The following ATXN1 variants were observed in gnomAD, a reference collection of about 807,000 sequenced individuals.
The protein encoded by ATXN1 is ataxin 1, also known as ataxin-1.
In ATXN1, 8 loss-of-function variants were observed where a neutral mutation model predicts 56.4. The ratio of observed to expected loss-of-function variants is 0.14; its 90% confidence interval spans 0.08 to 0.26. The LOEUF is 0.26. Among genes scored for constraint, ATXN1 ranks in the 10% least tolerant of loss-of-function variants. The pLI is 1.00. For missense variants in ATXN1, 987 were observed against 1,106.5 expected, an observed-to-expected ratio of 0.89 and a Z score of 1.53; for synonymous variants, 514 against 494.6, an observed-to-expected ratio of 1.04 and a Z score of -0.52.
chr6:16,656,549 G>T (rs1555063), intron 3 of ATXN1, among the ~76,000 whole-genome samples: 98,977 of 151,962 alleles, frequency 0.65, 33,859 homozygotes, highest in African/African-American at 0.88. Context: ...CTCTGGAATG[G>T]TTTTATCATT....
chr6:16,717,674 G>A (rs550227256), intron 2 of ATXN1, among the ~76,000 whole-genome samples: 3 of 152,292 alleles, frequency 2.0e-5, no homozygotes, highest in East Asian at 3.9e-4. Flanking sequence ...CTGGCATAAC[G>A]ATCTCGTGGG....
At chr6:16,417,235 A>G (rs1472277586) in intron 6 of ATXN1, among the ~76,000 whole-genome samples, 3 of 152,054 alleles carry the variant, frequency 2.0e-5, no homozygotes, top group Non-Finnish European at 2.9e-5. Flanking sequence ...GGGTCTCACT[A>G]TGTTGCCCAG....
At chr6:16,527,660 G>GA (rs1397110169) in intron 4 of ATXN1, among the ~76,000 whole-genome samples, 2 of 152,094 alleles carry the variant, frequency 1.3e-5, no homozygotes, top group Non-Finnish European at 2.9e-5. Context: ...CATGCTCTTA[G>GA]AAAAAACATG....
intron 2 of ATXN1, among the ~76,000 whole-genome samples, chr6:16,704,941 G>A (rs1471005898): frequency 1.3e-5 from 2 of 152,182 alleles, no homozygotes; most frequent in Non-Finnish European, 2.9e-5. Context: ...TGAATCAAGC[G>A]ACCACACTGT....
chr6:16,339,315 G>T (rs1761192416), intron 6 of ATXN1, among the ~76,000 whole-genome samples: 1 of 152,228 alleles, frequency 6.6e-6, no homozygotes, highest in Non-Finnish European at 1.5e-5. Context: ...GGTCTCGTGG[G>T]AACTGAGGTA....
intron 1 of ATXN1, chr6:16,761,032 G>A: frequency 5.7e-6 from 1 of 176,878 alleles, no homozygotes; most frequent in Non-Finnish European, 1.2e-5. Flanking sequence ...CGGCCCGGGA[G>A]CCTGGAGCCG....
rs114380116 is a variant in ATXN1 at position 16,645,368 on chromosome 6, A to G, written c.-489+12408T>C. Among the ~76,000 whole-genome samples the G allele has an allele frequency of 9.3e-3, 1,415 of 152,340 alleles. 13 individuals are homozygous for G. The highest frequency in any genetic ancestry group is 0.065 in the Middle Eastern group (19 of 292). The stretch of plus-strand genomic sequence containing the variant: ...AGAAGAATTCTGGTCCTGAGGACAG[A>G]TTATTGAAAATAATCTATTTCCATT... On this transcript the variant is annotated intron_variant, in intron 3 of 7. Coordinates refer to ENST00000436367, the MANE Select transcript of ATXN1 (RefSeq NM_001128164.2).
At chr6:16,719,783 G>A (rs1274360252) in intron 2 of ATXN1, among the ~76,000 whole-genome samples, 2 of 152,140 alleles carry the variant, frequency 1.3e-5, no homozygotes, top group African/African-American at 4.8e-5. Flanking sequence ...AAGGCCATGT[G>A]AAAACAGAGG....
chr6:16,675,107 A>C (rs2113388768), intron 2 of ATXN1, among the ~76,000 whole-genome samples: 1 of 152,308 alleles, frequency 6.6e-6, no homozygotes, highest in South Asian at 2.1e-4. Context: ...AGCTCTCTGA[A>C]GTCTAGGGGG....
At chr6:16,439,430 G>C (rs968450392) in intron 6 of ATXN1, among the ~76,000 whole-genome samples, 1 of 130,862 alleles carries the variant, frequency 7.6e-6, no homozygotes, top group Admixed American at 8.8e-5. Flanking sequence ...ATGTGTACCA[G>C]AGTGACTCAG....
At chr6:16,646,713 A>G (rs181894059) in intron 3 of ATXN1, among the ~76,000 whole-genome samples, 16 of 152,316 alleles carry the variant, frequency 1.1e-4, no homozygotes, top group Admixed American at 2.6e-4. Flanking sequence ...GTCAGCTCTG[A>G]TGCTTCCTCC....
chr6:16,758,893 C>T (rs1284632377), intron 1 of ATXN1, among the ~76,000 whole-genome samples: 1 of 152,198 alleles, frequency 6.6e-6, no homozygotes, highest in Non-Finnish European at 1.5e-5. Context: ...AATGCCACAG[C>T]GCTAGCCGTT....
chr6:16,480,993 CA>C (rs1760427110), intron 6 of ATXN1, among the ~76,000 whole-genome samples: 1 of 152,086 alleles, frequency 6.6e-6, no homozygotes, highest in African/African-American at 2.4e-5. Flanking sequence ...AATAACACAC[CA>C]GGGGCAATGG....
intron 6 of ATXN1, among the ~76,000 whole-genome samples, chr6:16,463,050 A>G (rs541246634): frequency 9.9e-5 from 15 of 152,216 alleles, no homozygotes; most frequent in South Asian, 2.1e-4. Flanking sequence ...TTCCTAGTAG[A>G]TACAAAACAG....
At chr6:16,456,023 T>A (rs1759861270) in intron 6 of ATXN1, among the ~76,000 whole-genome samples, 1 of 151,900 alleles carries the variant, frequency 6.6e-6, no homozygotes, top group African/African-American at 2.4e-5. Context: ...AGGGGACAAA[T>A]AAGGGAATAA....
intron 7 of ATXN1, among the ~76,000 whole-genome samples, chr6:16,307,986 T>G (rs1760294636): frequency 6.6e-6 from 1 of 152,022 alleles, no homozygotes; most frequent in Non-Finnish European, 1.5e-5. Context: ...AAACCCCATC[T>G]CTACTAAAAA....
At chr6:16,628,895 T>A in intron 3 of ATXN1, among the ~76,000 whole-genome samples, 1 of 152,356 alleles carries the variant, frequency 6.6e-6, no homozygotes, top group Admixed American at 6.5e-5. Flanking sequence ...ATTCTGTGTC[T>A]TTGCTACTGT....
intron 7 of ATXN1, among the ~76,000 whole-genome samples, chr6:16,323,560 A>G (rs1760733275): frequency 6.8e-6 from 1 of 147,788 alleles, no homozygotes; most frequent in Non-Finnish European, 1.5e-5. Flanking sequence ...AAAAAATAGA[A>G]GAGTCTGGTT....
intron 3 of ATXN1, among the ~76,000 whole-genome samples, chr6:16,591,962 C>T (rs1441667945): frequency 1.3e-5 from 2 of 152,122 alleles, no homozygotes; most frequent in Admixed American, 6.6e-5. Flanking sequence ...AATAGTCATG[C>T]TGCGCATTTT....
Sources: gnomAD v4.1 joint callset for allele counts (sites outside exome capture counted in the v4.1 genomes callset) on GRCh38, gnomAD v4.1.1 for gene constraint, MANE v1.5 for transcripts, NCBI Gene and HGNC (gene_info 2026-07-23, HGNC 2026-07-21) for gene names.